Variants in TSPAN7 observed in about 807,000 individuals in gnomAD.
TSPAN7 encodes tetraspanin 7.
TSPAN7 carries 1 observed loss-of-function variant against 17.6 expected under a neutral mutation model. That is an observed-to-expected ratio of 0.06 (90% CI 0.02 to 0.27). TSPAN7 has a LOEUF of 0.27. Among genes scored for constraint, TSPAN7 ranks in the 10% least tolerant of loss-of-function variants. The pLI is 1.00. For synonymous variants in TSPAN7, 78 were observed against 79.0 expected, an observed-to-expected ratio of 0.99 and a Z score of 0.07; for missense variants, 112 against 201.7, an observed-to-expected ratio of 0.56 and a Z score of 2.69.
At chrX:38,562,586 A>G (rs2069119024) in intron 1 of TSPAN7, among the ~76,000 whole-genome samples, 1 of 96,834 alleles carries the variant, frequency 1.0e-5, no homozygotes, top group Non-Finnish European at 2.1e-5. Context: ...GAGGAGGAGG[A>G]GGAGGAGGGG....
intron 1 of TSPAN7, among the ~76,000 whole-genome samples, chrX:38,563,836 T>C (rs1170526681): frequency 8.9e-6 from 1 of 111,812 alleles, no homozygotes; most frequent in Non-Finnish European, 1.9e-5. Context: ...ATTTCATACT[T>C]ACAACCAAAA....
intron 1 of TSPAN7, among the ~76,000 whole-genome samples, chrX:38,625,673 ATAGAG>A (rs2069518052): frequency 2.7e-5 from 3 of 112,063 alleles, no homozygotes; most frequent in Admixed American, 9.5e-5. Context: ...GGGGAAAATA[ATAGAG>A]TAGAGATCCC....
chrX:38,603,834 TTTTC>T (rs963237546), intron 1 of TSPAN7, among the ~76,000 whole-genome samples: 2 of 108,809 alleles, frequency 1.8e-5, no homozygotes, highest in African/African-American at 3.4e-5. Flanking sequence ...TTTTTGTTGT[TTTTC>T]TTTTGTATTT....
intron 1 of TSPAN7, among the ~76,000 whole-genome samples, chrX:38,616,376 A>G (rs144831010): frequency 1.8e-5 from 2 of 112,005 alleles, no homozygotes; most frequent in East Asian, 5.6e-4. Context: ...CAACGGCTAT[A>G]CCTTAACCAC....
At chrX:38,607,399 G>A (rs754898253) in intron 1 of TSPAN7, among the ~76,000 whole-genome samples, 13 of 111,026 alleles carry the variant, frequency 1.2e-4, no homozygotes, top group South Asian at 1.2e-3. Context: ...CCTCTCTCTC[G>A]TTTTGTGAAG....
intron 1 of TSPAN7, among the ~76,000 whole-genome samples, chrX:38,607,454 G>C (rs1463966421): frequency 9.0e-6 from 1 of 110,697 alleles, no homozygotes; most frequent in Non-Finnish European, 1.9e-5. Context: ...CTCTATAATA[G>C]TAGTTTTCAC....
chrX:38,669,815 C>A (rs1001402548), intron 2 of TSPAN7, among the ~76,000 whole-genome samples: 10 of 112,313 alleles, frequency 8.9e-5, no homozygotes, highest in African/African-American at 2.3e-4. Flanking sequence ...CCTAGGAGGA[C>A]TTCTGACTAC....
intron 1 of TSPAN7, among the ~76,000 whole-genome samples, chrX:38,654,084 C>A (rs765914416): frequency 1.8e-5 from 2 of 111,789 alleles, no homozygotes; most frequent in East Asian, 2.8e-4. Context: ...GGAGAAAGAA[C>A]CTTCTACAGA....
chrX:38,574,286 G>C (rs775016336), intron 1 of TSPAN7, among the ~76,000 whole-genome samples: 1 of 112,009 alleles, frequency 8.9e-6, no homozygotes, highest in Non-Finnish European at 1.9e-5. Flanking sequence ...ATTGGAGAAA[G>C]AGATAAAATT....
At chrX:38,624,815 T>G (rs2069512157) in intron 1 of TSPAN7, among the ~76,000 whole-genome samples, 1 of 113,036 alleles carries the variant, frequency 8.8e-6, no homozygotes, top group African/African-American at 3.2e-5. Context: ...TATTCATGCC[T>G]GGGTTTCACC....
intron 1 of TSPAN7, among the ~76,000 whole-genome samples, chrX:38,643,019 G>T (rs940827706): frequency 2.7e-5 from 3 of 110,505 alleles, no homozygotes; most frequent in African/African-American, 9.8e-5. Flanking sequence ...GGGATGGAGA[G>T]TGGGGAAACT....
At chrX:38,575,068 A>G (rs2069186880) in intron 1 of TSPAN7, among the ~76,000 whole-genome samples, 2 of 111,525 alleles carry the variant, frequency 1.8e-5, no homozygotes, top group South Asian at 7.6e-4. Context: ...TGCCCTGTAG[A>G]GAGGGCCACA....
intron 1 of TSPAN7, among the ~76,000 whole-genome samples, chrX:38,569,502 G>T (rs1602082174): frequency 9.7e-6 from 1 of 103,590 alleles, no homozygotes; most frequent in South Asian, 4.8e-4. Flanking sequence ...GCGGGGGTGG[G>T]GGTGGGGAAT....
At chrX:38,645,063 G>T (rs768828960) in intron 1 of TSPAN7, among the ~76,000 whole-genome samples, 95 of 112,100 alleles carry the variant, frequency 8.5e-4, no homozygotes, top group African/African-American at 3.0e-3. Context: ...TCCAGTGAGG[G>T]TTTAGAAAAT....
At chrX:38,612,748 G>T (rs2069427489) in intron 1 of TSPAN7, 1 of 111,735 alleles carries the variant, frequency 8.9e-6, no homozygotes, top group Admixed American at 9.5e-5. Context: ...AGAATTCAAA[G>T]CTCTAAAGGA....
intron 1 of TSPAN7, among the ~76,000 whole-genome samples, chrX:38,578,277 T>C (rs2069208014): frequency 9.0e-6 from 1 of 111,610 alleles, no homozygotes; most frequent in South Asian, 3.8e-4. Context: ...TGCTTGCTGA[T>C]AATAGGTGTA....
chrX:38,613,185 G>T (rs1159803993), intron 1 of TSPAN7, among the ~76,000 whole-genome samples: 3 of 110,997 alleles, frequency 2.7e-5, no homozygotes, highest in East Asian at 5.6e-4. Context: ...TCTTATTTTT[G>T]ATTTCTCATA....
Position 38,666,276 on chromosome X carries a change from T to C in TSPAN7, c.237T>C (p.Ala79=), listed in dbSNP as rs7049247. The change falls in exon 2 of 8, where the codon GCT becomes GCC. Residue 79 remains alanine, a synonymous_variant. Transcript: ENST00000378482. ...IVVFGLFGCF[A]TCRGSPWMLK... is the part of the protein sequence containing the mutation. ...TCTTTGGCCTGTTTGGATGCTTTGC[T>C]ACATGTCGTGGTAGCCCATGGATGC... The C allele has an allele frequency of 7.7e-3, 9,375 of 1,210,206 alleles. 447 individuals carry two copies. In the African/African-American group the frequency reaches 0.14, roughly 19 times the overall value.
At chrX:38,627,296 A>G (rs2069527490) in intron 1 of TSPAN7, among the ~76,000 whole-genome samples, 1 of 111,227 alleles carries the variant, frequency 9.0e-6, no homozygotes, top group African/African-American at 3.3e-5. Flanking sequence ...AGCCAGTGTG[A>G]TGGTTGGCTG....
Sources: allele counts gnomAD v4.1 joint callset (sites outside exome capture counted in the v4.1 genomes callset), GRCh38; gene constraint gnomAD v4.1.1; transcripts MANE v1.5; gene names NCBI Gene and HGNC (gene_info 2026-07-23, HGNC 2026-07-21).